The following PGGT1B variants were observed in gnomAD, a reference collection of about 807,000 sequenced individuals.
PGGT1B encodes protein geranylgeranyltransferase type I subunit beta.
A neutral mutation model predicts 46.1 loss-of-function variants in PGGT1B; 30 were observed. The observed-to-expected ratio is 0.65, with a 90% CI of 0.49 to 0.88. The LOEUF is 0.88. Among genes scored for constraint, PGGT1B ranks in the 40% least tolerant of loss-of-function variants. The probability of loss-of-function intolerance (pLI) is 0.00; values close to 1 mark genes in which losing one functional copy is unlikely to be tolerated. For missense variants in PGGT1B, 376 were observed against 455.9 expected, an observed-to-expected ratio of 0.82 and a Z score of 1.60; for synonymous variants, 170 against 160.0, an observed-to-expected ratio of 1.06 and a Z score of -0.47.
chr5:115,214,555 G>A (rs2126987032), intron 8 of PGGT1B, among the ~76,000 whole-genome samples: 1 of 152,252 alleles, frequency 6.6e-6, no homozygotes, highest in East Asian at 1.9e-4. Context: ...TCTGGGACCA[G>A]ATCTTTACAC....
Position 115,207,078 on chromosome 5 carries a change from G to T in PGGT1B, c.*5324C>A, listed in dbSNP as rs1044538881. On this transcript the variant is annotated 3_prime_UTR_variant, in exon 9 of 9. Coordinates refer to ENST00000419445, the MANE Select transcript of PGGT1B (RefSeq NM_005023.4). ...AGTTTTCCTCATACAGATTTTAGAT[G>T]TGTCTTAAATTTACACATTAAGTTT... 4 of 150,522 alleles carry T rather than the reference G, an allele frequency of 2.7e-5. No individual in the cohort carries two copies. Among genetic ancestry groups the T allele is most frequent in the Admixed American group, 2.7e-4 (4 of 15,092 alleles). 9.3% of individuals were successfully genotyped at this position (150,522 alleles called of 1,614,324 possible). A position where few individuals can be genotyped will look rare whatever the true frequency, so the allele number is the denominator to read the frequency against.
Position 115,209,485 on chromosome 5 carries a change from C to T in PGGT1B, c.*2917G>A, listed in dbSNP as rs1380886994. On this transcript the variant is annotated 3_prime_UTR_variant, in exon 9 of 9. Transcript: ENST00000419445. ...TCCAATTTGCAGAGCTGTCAGAAAC[C>T]AGCTGCCTTCCTTCTACTTCCTCCC... 6.6e-6 allele frequency: 1 copy of T among 152,064 alleles called. No individual in the cohort carries two copies. The highest frequency in any genetic ancestry group is 2.4e-5 in the African/African-American group (1 of 41,402). The allele number at this position is 152,064 out of a possible 1,614,324, so 9.4% of individuals were successfully genotyped here.
intron 2 of PGGT1B, among the ~76,000 whole-genome samples, chr5:115,247,628 G>A (rs942468339): frequency 1.3e-5 from 2 of 151,826 alleles, no homozygotes; most frequent in Non-Finnish European, 2.9e-5. Flanking sequence ...AACTCCTTAA[G>A]GATGTCAAGA....
intron 6 of PGGT1B, among the ~76,000 whole-genome samples, chr5:115,224,148 C>A (rs910206405): frequency 6.6e-6 from 1 of 152,124 alleles, no homozygotes; most frequent in Non-Finnish European, 1.5e-5. Flanking sequence ...AAAATAATTT[C>A]TATTAAGCAA....
rs557724555 is a variant in PGGT1B at position 115,228,663 on chromosome 5, A to G, written c.658+2313T>C. Among the ~76,000 whole-genome samples, 7 of 152,294 alleles carry G rather than the reference A, an allele frequency of 4.6e-5. No individual in the cohort carries two copies. The East Asian group carries it at 1.3e-3, about 29-fold the overall frequency. ...AGCATGTACAAAAGCCTTGAGATTT[A>G]GGAAGAACTATTCAGAGAAAAGAAA... On this transcript the variant is annotated intron_variant, in intron 6 of 8. Coordinates refer to ENST00000419445, the MANE Select transcript of PGGT1B (RefSeq NM_005023.4).
At chr5:115,254,835 T>C (rs779438583) in intron 1 of PGGT1B, among the ~76,000 whole-genome samples, 22 of 152,150 alleles carry the variant, frequency 1.4e-4, no homozygotes, top group Non-Finnish European at 2.6e-4. Flanking sequence ...ATTTCTCATA[T>C]ATTATCTCAA....
chr5:115,259,155 G>A (rs1748445845), intron 1 of PGGT1B, among the ~76,000 whole-genome samples: 1 of 152,158 alleles, frequency 6.6e-6, no homozygotes, highest in Non-Finnish European at 1.5e-5. Flanking sequence ...TTAGAGTTGG[G>A]AATCACTGCT....
rs865799591 is a variant in PGGT1B, at chr5:115,216,953, G to A, written c.864C>T (p.Tyr288=). ...AATTTCTATTTTTCTCAAAGTTAGT[G>A]TATTGGAAAATTTTTAGAAGCTGAA... ...ATLKLLKIFQ[Y]TNFEKNRNYI... is the part of the protein sequence containing the mutation. Residue 288 remains tyrosine (Y), a synonymous_variant, in exon 8 of 9, where the codon TAC becomes TAT. Transcript: ENST00000419445. The A allele has an allele frequency of 3.3e-6, 5 of 1,532,068 alleles. No individual in the cohort carries two copies. The highest frequency in any genetic ancestry group is 1.8e-4 in the Middle Eastern group (1 of 5,564). 94.9% of individuals were successfully genotyped at this position (1,532,068 alleles called of 1,614,324 possible).
chr5:115,206,582 T>G lies in PGGT1B; in HGVS notation c.*5820A>C, dbSNP rs186279030. The G allele has an allele frequency of 6.6e-6, 1 of 152,066 alleles. No individual in the cohort carries two copies. Among genetic ancestry groups the G allele is most frequent in the Non-Finnish European group, 1.5e-5 (1 of 67,950 alleles). 9.4% of individuals were successfully genotyped at this position (152,066 alleles called of 1,614,324 possible). A position where few individuals can be genotyped will look rare whatever the true frequency, so the allele number is the denominator to read the frequency against. The stretch of plus-strand genomic sequence containing the variant: ...TTATGTGCCAATACAAAACTTTTCA[T>G]TTATTCAACATTACGAATGCCTTCC... On this transcript the variant is annotated 3_prime_UTR_variant, in exon 9 of 9. Coordinates refer to ENST00000419445, the MANE Select transcript of PGGT1B (RefSeq NM_005023.4).
At chr5:115,230,144 ACT>A (rs1756931652) in intron 6 of PGGT1B, among the ~76,000 whole-genome samples, 1 of 152,050 alleles carries the variant, frequency 6.6e-6, no homozygotes, top group South Asian at 2.1e-4. Context: ...AATTCTTTCT[ACT>A]CTGTTGATGA....
At chr5:115,254,074 T>A (rs1489122989) in intron 1 of PGGT1B, among the ~76,000 whole-genome samples, 1 of 152,102 alleles carries the variant, frequency 6.6e-6, no homozygotes, top group African/African-American at 2.4e-5. Flanking sequence ...TCAAATTATC[T>A]GGTCTAAAAT....
chr5:115,233,759 G>GA lies in PGGT1B; in HGVS notation c.612+2630dup, dbSNP rs1757075259. Reference sequence around the variant, plus strand: ...CTGAAATATCACTTTTCGACTACCAGAAAAAAAGGTAAAAACAAAAAAAGT... The same window carrying GA: ...CTGAAATATCACTTTTCGACTACCAGAAAAAAAAGGTAAAAACAAAAAAAGT... On this transcript the variant is annotated intron_variant, in intron 5 of 8. Coordinates refer to ENST00000419445, the MANE Select transcript of PGGT1B (RefSeq NM_005023.4). Among the ~76,000 whole-genome samples, 4 of 151,686 alleles carry GA rather than the reference G, an allele frequency of 2.6e-5. No homozygotes were observed. The South Asian group carries it at 6.2e-4, about 24-fold the overall frequency.
At chr5:115,258,800 C>A (rs1377751205) in intron 1 of PGGT1B, among the ~76,000 whole-genome samples, 2 of 152,178 alleles carry the variant, frequency 1.3e-5, no homozygotes, top group African/African-American at 2.4e-5. Flanking sequence ...AGGGGATTAG[C>A]CATAACAAAA....
In PGGT1B at chr5:115,262,820, C is replaced by T. The variant is rs1252730457; in HGVS notation, c.32G>A (p.Gly11Glu). 5 of 1,612,544 alleles carry T rather than the reference C, an allele frequency of 3.1e-6. No individual in the cohort carries two copies. Among genetic ancestry groups the T allele is most frequent in the Non-Finnish European group, 4.2e-6 (5 of 1,179,958 alleles). MAATEDERLA[G>E]SGEGERLDFL... ...ATCCAGCCGCTCTCCCTCACCGCTC[C>T]CTGCTAGCCTCTCATCCTCAGTGGC... The change falls in exon 1 of 9, where the codon GGG (glycine) becomes GAG (glutamate). Residue 11 changes from glycine to glutamate, a missense_variant. Coordinates refer to ENST00000419445, the MANE Select transcript of PGGT1B (RefSeq NM_005023.4).
intron 7 of PGGT1B, among the ~76,000 whole-genome samples, chr5:115,221,404 G>A (rs2126994655): frequency 6.6e-6 from 1 of 152,014 alleles, no homozygotes; most frequent in South Asian, 2.1e-4. Flanking sequence ...TCCTTACATG[G>A]TTTTTGAAGA....
At chr5:115,233,851 T>C (rs749170466) in intron 5 of PGGT1B, among the ~76,000 whole-genome samples, 2 of 151,996 alleles carry the variant, frequency 1.3e-5, no homozygotes, top group Non-Finnish European at 2.9e-5. Flanking sequence ...GAAAACAAAC[T>C]GGTCTATCCT....
intron 6 of PGGT1B, among the ~76,000 whole-genome samples, chr5:115,222,808 G>A (rs1045890003): frequency 1.3e-5 from 2 of 152,178 alleles, no homozygotes; most frequent in Admixed American, 6.5e-5. Context: ...ATGAGTTCAC[G>A]TCCTTTGTAG....
At chr5:115,221,300 T>C (rs1282527711) in intron 7 of PGGT1B, among the ~76,000 whole-genome samples, 2 of 151,958 alleles carry the variant, frequency 1.3e-5, no homozygotes, top group African/African-American at 4.8e-5. Flanking sequence ...CTTACGGAAT[T>C]AGGTATATTA....
At position 115,238,116 on chromosome 5, in the gene PGGT1B, T is replaced by A. The variant is rs185496044; in HGVS notation, c.328-107A>T. 3.1e-5 allele frequency: 22 copies of A among 712,388 alleles called. No individual in the cohort carries two copies. In the East Asian group the frequency reaches 5.3e-4, roughly 17 times the overall value. The allele number at this position is 712,388 out of a possible 1,614,324, so 44.1% of individuals were successfully genotyped here. On this transcript the variant is annotated intron_variant, in intron 3 of 8. Coordinates refer to ENST00000419445, the MANE Select transcript of PGGT1B (RefSeq NM_005023.4). ...GTAAATAGTAAAATTAAATATGGCT[T>A]ATACTGATTTGTATAGACATCTTAT...
Sources: allele counts gnomAD v4.1 joint callset (sites outside exome capture counted in the v4.1 genomes callset), GRCh38; gene constraint gnomAD v4.1.1; transcripts MANE v1.5; gene names NCBI Gene and HGNC (gene_info 2026-07-23, HGNC 2026-07-21).